The following UNC5D variants were observed in gnomAD, a reference collection of about 807,000 sequenced individuals.
UNC5D encodes unc-5 netrin receptor D.
A neutral mutation model predicts 105.4 loss-of-function variants in UNC5D; 39 were observed. The ratio of observed to expected loss-of-function variants is 0.37; its 90% confidence interval spans 0.29 to 0.48. The LOEUF (loss-of-function observed/expected upper bound fraction) is 0.48, where lower values mean the gene tolerates loss of function less well. Ranked by LOEUF, UNC5D falls within the 20% of genes least tolerant of loss-of-function variation. UNC5D has a pLI of 0.98. For missense variants in UNC5D, 991 were observed against 1,202.4 expected, an observed-to-expected ratio of 0.82 and a Z score of 2.60; for synonymous variants, 452 against 450.4, an observed-to-expected ratio of 1.00 and a Z score of -0.04.
At chr8:35,468,678 T>G (rs913603954) in intron 1 of UNC5D, among the ~76,000 whole-genome samples, 2 of 152,190 alleles carry the variant, frequency 1.3e-5, no homozygotes, top group South Asian at 4.1e-4. Flanking sequence ...CACTAACTAC[T>G]TTATCACCTG....
chr8:35,423,874 A>T (rs1361141174), intron 1 of UNC5D, among the ~76,000 whole-genome samples: 2 of 144,304 alleles, frequency 1.4e-5, no homozygotes, highest in Non-Finnish European at 1.5e-5. Context: ...TTTTTTTGAG[A>T]CAGATTCTCA....
At chr8:35,699,645 C>G (rs1458141292) in intron 7 of UNC5D, among the ~76,000 whole-genome samples, 1 of 152,162 alleles carries the variant, frequency 6.6e-6, no homozygotes, top group African/African-American at 2.4e-5. Flanking sequence ...ATTCTCTGTG[C>G]TTGTCCTCCA....
chr8:35,675,175 C>G (rs1282845984), intron 4 of UNC5D, among the ~76,000 whole-genome samples: 3 of 152,186 alleles, frequency 2.0e-5, no homozygotes, highest in Non-Finnish European at 4.4e-5. Flanking sequence ...ACAGCTCTCT[C>G]AGCAGTCTTA....
At chr8:35,448,432 T>C (rs72634917) in intron 1 of UNC5D, among the ~76,000 whole-genome samples, 23,473 of 152,072 alleles carry the variant, frequency 0.15, 2,105 homozygotes, top group Non-Finnish European at 0.21. Context: ...TAATTTCCAG[T>C]ATAGACATTA....
chr8:35,514,416 A>C (rs1379613632), intron 1 of UNC5D, among the ~76,000 whole-genome samples: 1 of 152,206 alleles, frequency 6.6e-6, no homozygotes, highest in African/African-American at 2.4e-5. Flanking sequence ...CTATCTCTGC[A>C]TGGGAGAGCA....
At chr8:35,486,711 A>C (rs148465098) in intron 1 of UNC5D, among the ~76,000 whole-genome samples, 4 of 152,194 alleles carry the variant, frequency 2.6e-5, no homozygotes, top group African/African-American at 9.7e-5. Flanking sequence ...AAGTGAGTAC[A>C]TGCTTCCCAT....
At chr8:35,467,572 C>CAAAAAAAAAAAAAAAAAAAAAAGA (rs769649743) in intron 1 of UNC5D, among the ~76,000 whole-genome samples, 1 of 42,540 alleles carries the variant, frequency 2.4e-5, no homozygotes, top group African/African-American at 7.1e-5. Flanking sequence ...CTATGACAGG[C>CAAAAAAAAAAAAAAAAAAAAAAGA]AAAAAAAAAA....
chr8:35,778,149 T>C (rs1389391847), intron 16 of UNC5D, among the ~76,000 whole-genome samples: 2 of 152,250 alleles, frequency 1.3e-5, no homozygotes, highest in African/African-American at 4.8e-5. Flanking sequence ...AAGGATGTTT[T>C]TATAATTTTA....
chr8:35,714,559 G>A (rs1304210268), intron 8 of UNC5D, among the ~76,000 whole-genome samples: 1 of 152,192 alleles, frequency 6.6e-6, no homozygotes, highest in Non-Finnish European at 1.5e-5. Flanking sequence ...AGAACTAGGA[G>A]AATGAAGGGT....
At chr8:35,309,555 G>A (rs2980387) in intron 1 of UNC5D, among the ~76,000 whole-genome samples, 124,775 of 152,134 alleles carry the variant, frequency 0.82, 51,625 homozygotes, top group East Asian at 1. Flanking sequence ...ACAAGCCAAG[G>A]ACACTAAAAT....
intron 1 of UNC5D, among the ~76,000 whole-genome samples, chr8:35,329,974 G>T (rs1391421289): frequency 1.3e-5 from 2 of 152,172 alleles, no homozygotes; most frequent in East Asian, 3.9e-4. Context: ...CAGTGGCAGT[G>T]CCTTATTTAA....
intron 1 of UNC5D, among the ~76,000 whole-genome samples, chr8:35,417,576 G>A (rs980639041): frequency 6.6e-6 from 1 of 152,094 alleles, no homozygotes; most frequent in South Asian, 2.1e-4. Context: ...AGCCAGTACA[G>A]CACTCTGTTC....
intron 1 of UNC5D, among the ~76,000 whole-genome samples, chr8:35,485,606 T>C (rs1015704893): frequency 6.6e-6 from 1 of 152,132 alleles, no homozygotes; most frequent in Non-Finnish European, 1.5e-5. Flanking sequence ...GTGGCACAAC[T>C]CGGCAAAATA....
In UNC5D at chr8:35,622,466, A is replaced by G. The variant is rs142888281; in HGVS notation, c.570+26809A>G. ...ATGAGTCAGGTAAGGGAGGGGTACA[A>G]TCTAAGTTCCTCCTCTTGTTAGCTG... On this transcript the variant is annotated intron_variant, in intron 4 of 16. Transcript: ENST00000404895. Among the ~76,000 whole-genome samples the G allele has an allele frequency of 3.2e-3, 489 of 152,300 alleles. 4 individuals carry two copies. The highest frequency in any genetic ancestry group is 0.011 in the African/African-American group (448 of 41,566).
intron 4 of UNC5D, among the ~76,000 whole-genome samples, chr8:35,635,398 G>A (rs750472510): frequency 6.6e-6 from 1 of 152,194 alleles, no homozygotes; most frequent in Non-Finnish European, 1.5e-5. Flanking sequence ...CCCGTTAAGT[G>A]TTTGTCATCT....
intron 15 of UNC5D, among the ~76,000 whole-genome samples, chr8:35,773,255 G>A (rs757507136): frequency 6.6e-6 from 1 of 152,106 alleles, no homozygotes; most frequent in East Asian, 1.9e-4. Flanking sequence ...TTGGATATAA[G>A]GATTAATATT....
At position 35,792,179 on chromosome 8, in the gene UNC5D, CA is replaced by C. The variant is rs1803075397; in HGVS notation, c.*1618del. On this transcript the variant is annotated 3_prime_UTR_variant, in exon 17 of 17. Transcript: ENST00000404895. ...TTGGGATATGATCCATTTTTTTAAA[CA>C]AGTTTTTTGTAGATCCCTTGTAAAA... is the stretch of plus-strand genomic sequence containing the variant. 1 of 151,944 alleles carries C rather than the reference CA, an allele frequency of 6.6e-6. No homozygotes were observed. Among genetic ancestry groups the C allele is most frequent in the Non-Finnish European group, 1.5e-5 (1 of 67,980 alleles). 9.4% of individuals were successfully genotyped at this position (151,944 alleles called of 1,614,324 possible).
intron 1 of UNC5D, among the ~76,000 whole-genome samples, chr8:35,320,764 C>A (rs1382209449): frequency 6.6e-6 from 1 of 152,074 alleles, no homozygotes; most frequent in Non-Finnish European, 1.5e-5. Context: ...GTCTGACACC[C>A]ACTTCCAATC....
intron 1 of UNC5D, chr8:35,525,847 T>G: frequency 7.6e-7 from 1 of 1,319,606 alleles, no homozygotes; most frequent in Non-Finnish European, 1.0e-6. Context: ...CAAAGGCATT[T>G]AGTCATAGTA....
Sources: gnomAD v4.1 joint callset for allele counts (sites outside exome capture counted in the v4.1 genomes callset) on GRCh38, gnomAD v4.1.1 for gene constraint, MANE v1.5 for transcripts, NCBI Gene and HGNC (gene_info 2026-07-23, HGNC 2026-07-21) for gene names.